ABCA6: variants seen among roughly 807,000 people sequenced by gnomAD.
The protein encoded by ABCA6 is ATP-binding cassette sub-family A member 6.
In ABCA6, 164 loss-of-function variants were observed where a neutral mutation model predicts 191.2. The observed-to-expected ratio is 0.86, with a 90% confidence interval of 0.76 to 0.98. The LOEUF is 0.98. ABCA6 is among the 50% of genes least tolerant of loss of function. ABCA6 has a pLI of 0.00. For missense variants in ABCA6, 1,958 were observed against 1,894.1 expected (o/e 1.03, Z -0.63); for synonymous variants, 636 against 647.7 (o/e 0.98, Z 0.27).
intron 10 of ABCA6, among the ~76,000 whole-genome samples, chr17:69,121,365 A>C (rs2073638020): frequency 6.6e-6 from 1 of 152,128 alleles, no homozygotes; most frequent in Admixed American, 6.6e-5. Flanking sequence ...GCCATTAAAG[A>C]GCTACAACAT....
chr17:69,120,847 G>A (rs1220576003), intron 10 of ABCA6, among the ~76,000 whole-genome samples: 1 of 152,024 alleles, frequency 6.6e-6, no homozygotes, highest in African/African-American at 2.4e-5. Context: ...TGCCCCCAGA[G>A]AAAATGTGAC....
At chr17:69,122,559 G>A (rs1445563920) in intron 10 of ABCA6, among the ~76,000 whole-genome samples, 1 of 151,980 alleles carries the variant, frequency 6.6e-6, no homozygotes, top group Non-Finnish European at 1.5e-5. Flanking sequence ...ATTTTTCCAA[G>A]AGTACACATC....
chr17:69,102,800 T>C (rs754484694), intron 21 of ABCA6, 35 bp downstream of exon 21: 1 of 1,555,304 alleles, frequency 6.4e-7, no homozygotes, highest in Non-Finnish European at 8.6e-7. Context: ...GTAGTACTTT[T>C]TGTTTTTTTC....
At chr17:69,124,548 C>A (rs1360772359) in intron 9 of ABCA6, among the ~76,000 whole-genome samples, 2 of 151,844 alleles carry the variant, frequency 1.3e-5, no homozygotes, top group Non-Finnish European at 2.9e-5. Context: ...GAACTAATTT[C>A]TTTTATCTTG....
chr17:69,078,870 C>T lies in ABCA6; in HGVS notation c.*103G>A. ...TGTTAACTAAATTTACAAAATATAC[C>T]TGATGTTAATTTTAAATGATCTTTA... is the stretch of plus-strand genomic sequence containing the variant. On this transcript the variant is annotated 3_prime_UTR_variant, in exon 39 of 39. Transcript: ENST00000284425. The T allele has an allele frequency of 1.5e-5, 10 of 647,900 alleles. No homozygotes were observed. The highest frequency in any genetic ancestry group is 7.3e-5 in the Admixed American group (2 of 27,302). The allele number at this position is 647,900 out of a possible 1,614,324, so 40.1% of individuals were successfully genotyped here.
rs78389117 is a variant in ABCA6 at position 69,138,039 on chromosome 17, C to A, written c.97-539G>T. ...AAGTGGAACCGAATGATTTCCTGGA[C>A]CACAGGATATGGGCAGAAGTGATAT... is the stretch of plus-strand genomic sequence containing the variant. On this transcript the variant is annotated intron_variant, in intron 2 of 38. Coordinates refer to ENST00000284425, the MANE Select transcript of ABCA6 (RefSeq NM_080284.3). 9.0e-3 allele frequency among the ~76,000 whole-genome samples: 1,373 copies of A among 152,266 alleles called. 12 individuals carry two copies. The highest frequency in any genetic ancestry group is 0.03 in the African/African-American group (1,261 of 41,532).
chr17:69,119,942 T>A (rs1023072263), intron 10 of ABCA6, among the ~76,000 whole-genome samples: 1 of 152,060 alleles, frequency 6.6e-6, no homozygotes, highest in Non-Finnish European at 1.5e-5. Context: ...AATCAATGCA[T>A]TAGCCCATAG....
rs1003583995 is a variant in ABCA6 at position 69,106,204 on chromosome 17, T to C, written c.2397A>G (p.Glu799=). 6.2e-7 allele frequency: 1 copy of C among 1,611,098 alleles called. No individual in the cohort carries two copies. The highest frequency in any genetic ancestry group is 8.5e-7 in the Non-Finnish European group (1 of 1,178,950). Residue 799 remains glutamate (E), a synonymous_variant, in exon 19 of 39, where the codon GAA becomes GAG. Coordinates refer to ENST00000284425, the MANE Select transcript of ABCA6 (RefSeq NM_080284.3). Reference sequence around the variant, plus strand: ...CTGAGTCTCTTATCATCTCCACTTGTTCGAAATCTATAAACACACACATAC... The same window carrying C: ...CTGAGTCTCTTATCATCTCCACTTGCTCGAAATCTATAAACACACACATAC... The part of the protein sequence containing the change: ...EGQSTIEQDF[E]QVEMIRDSES...
At position 69,092,051 on chromosome 17, in the gene ABCA6, C is replaced by T. The variant is rs2072936603; in HGVS notation, c.3409-789G>A. Among the ~76,000 whole-genome samples the T allele has an allele frequency of 2.0e-5, 3 of 152,122 alleles. No homozygotes were observed. The South Asian group carries it at 6.2e-4, about 32-fold the overall frequency. On this transcript the variant is annotated intron_variant, in intron 25 of 38. Coordinates refer to ENST00000284425, the MANE Select transcript of ABCA6 (RefSeq NM_080284.3). ...TGCTCCATTTCTTCCCCATTCCAAACAAATGACTTTTCTGAGATTGTGTAT... is the reference window on the plus strand; with the variant it reads ...TGCTCCATTTCTTCCCCATTCCAAATAAATGACTTTTCTGAGATTGTGTAT...
rs745974981 is a variant in ABCA6, at chr17:69,102,865, A to G, written c.2844T>C (p.Asn948=). Residue 948 remains asparagine, a synonymous_variant, in exon 21 of 39, where the codon AAT becomes AAC. Coordinates refer to ENST00000284425, the MANE Select transcript of ABCA6 (RefSeq NM_080284.3). ...NRNGTDGLSY[N]GAIIVSGKQK... ...GTTTACCAGAAACTATGATAGCTCC[A>G]TTGTATGAGAGGCCATCAGTACCAT... 2 of 1,591,842 alleles carry G rather than the reference A, an allele frequency of 1.3e-6. No individual in the cohort carries two copies. The highest frequency in any genetic ancestry group is 3.7e-5 in the Admixed American group (2 of 54,194).
At position 69,088,177 on chromosome 17, in the gene ABCA6, G is replaced by T. The variant is rs778377159; in HGVS notation, c.3688C>A (p.Pro1230Thr). ...AAATTTCACCCCAACCTGAAAACAGGATCTTTTCGCATTCTTTTCTTTCCA... is the reference window on the plus strand; with the variant it reads ...AAATTTCACCCCAACCTGAAAACAGTATCTTTTCGCATTCTTTTCTTTCCA... The part of the protein sequence containing the change: ...KCGKKRMRKD[P>T]VFRISPQSRD... Residue 1230 changes from proline to threonine, a missense_variant, in exon 28 of 39, where the codon CCT (proline) becomes ACT (threonine). Pro to Thr is a conservative substitution (Grantham distance 38). Coordinates refer to ENST00000284425, the MANE Select transcript of ABCA6 (RefSeq NM_080284.3). 1.2e-6 allele frequency: 2 copies of T among 1,610,560 alleles called. No individual in the cohort carries two copies. The highest frequency in any genetic ancestry group is 1.7e-6 in the Non-Finnish European group (2 of 1,178,470).
intron 37 of ABCA6, among the ~76,000 whole-genome samples, chr17:69,080,828 A>T (rs1316165721): frequency 1.3e-5 from 2 of 152,194 alleles, no homozygotes; most frequent in African/African-American, 4.8e-5. Context: ...CAGTAAGAAC[A>T]GTTAAGCATG....
Position 69,086,806 on chromosome 17 carries a change from G to A in ABCA6, c.3820-71C>T, listed in dbSNP as rs1598443044. The A allele has an allele frequency of 4.0e-6, 4 of 1,003,874 alleles. No individual in the cohort carries two copies. The East Asian group carries it at 1.0e-4, about 26-fold the overall frequency. 62.2% of individuals were successfully genotyped at this position (1,003,874 alleles called of 1,614,324 possible). A position where few individuals can be genotyped will look rare whatever the true frequency, so the allele number is the denominator to read the frequency against. Reference sequence around the variant, plus strand: ...TTAGGTCTCTGCTGGAACCTTTCATGCCTTATGTCATAAGCCAAACCATAT... The same window carrying A: ...TTAGGTCTCTGCTGGAACCTTTCATACCTTATGTCATAAGCCAAACCATAT... On this transcript the variant is annotated intron_variant, in intron 29 of 38. Coordinates refer to ENST00000284425, the MANE Select transcript of ABCA6 (RefSeq NM_080284.3).
Position 69,133,803 on chromosome 17 carries a change from A to G in ABCA6, c.629T>C (p.Leu210Ser). 2 of 1,613,120 alleles carry G rather than the reference A, an allele frequency of 1.2e-6. No individual in the cohort carries two copies. The highest frequency in any genetic ancestry group is 1.7e-6 in the Non-Finnish European group (2 of 1,179,370). The change falls in exon 6 of 39, where the codon TTA becomes TCA. Residue 210 changes from leucine (L) to serine (S), a missense_variant. Physicochemically the swap from Leu to Ser is moderately radical, Grantham distance 145. Transcript: ENST00000284425. ...AAGAAGATTTTTAGTTATGAAAGGT[A>G]ATGTCTTCATAGTTATAGCAGTAAC... ...MSVTAITMKT[L>S]PFITKNLLHN... is the part of the protein sequence containing the mutation.
At chr17:69,126,108 G>A (rs993120494) in intron 8 of ABCA6, among the ~76,000 whole-genome samples, 1 of 151,982 alleles carries the variant, frequency 6.6e-6, no homozygotes. Context: ...AAAAATATAA[G>A]CCATCATTAT....
chr17:69,132,964 ATATG>A (rs2073891530), intron 6 of ABCA6, among the ~76,000 whole-genome samples: 1 of 152,212 alleles, frequency 6.6e-6, no homozygotes. Flanking sequence ...TACATAGCAC[ATATG>A]TATGTGTACA....
At chr17:69,118,695 A>T (rs1212483394) in intron 10 of ABCA6, among the ~76,000 whole-genome samples, 1 of 152,030 alleles carries the variant, frequency 6.6e-6, no homozygotes, top group African/African-American at 2.4e-5. Context: ...TTATTTTTCT[A>T]AATGTTCCTT....
Position 69,114,869 on chromosome 17 carries a change from C to T in ABCA6, c.1675G>A (p.Gly559Ser). 1 of 1,612,180 alleles carries T rather than the reference C, an allele frequency of 6.2e-7. No homozygotes were observed. Among genetic ancestry groups the T allele is most frequent in the Non-Finnish European group, 8.5e-7 (1 of 1,178,880 alleles). ...QDLEEIRKIT[G>S]VCPQFNVQFD... ...TGAACATTGAATTGAGGACAGACGC[C>T]AGTTATCTTTCTGATTTCCTCCAAG... Residue 559 changes from glycine (G) to serine (S), a missense_variant, in exon 13 of 39, where the codon GGC becomes AGC. Transcript: ENST00000284425.
intron 21 of ABCA6, among the ~76,000 whole-genome samples, chr17:69,102,201 C>T (rs2073196848): frequency 6.6e-6 from 1 of 152,090 alleles, no homozygotes; most frequent in African/African-American, 2.4e-5. Flanking sequence ...CAAAAATTAG[C>T]TGGGCATGGT....
Sources: gnomAD v4.1 joint callset for allele counts (sites outside exome capture counted in the v4.1 genomes callset) on GRCh38, gnomAD v4.1.1 for gene constraint, MANE v1.5 for transcripts, NCBI Gene and HGNC (gene_info 2026-07-23, HGNC 2026-07-21) for gene names.